The following PCDHA12 variants were observed in gnomAD, a reference collection of about 807,000 sequenced individuals.
PCDHA12 encodes the protein protocadherin alpha 12.
In PCDHA12, 44 loss-of-function variants were observed where a neutral mutation model predicts 60.0. The ratio of observed to expected loss-of-function variants is 0.73; its 90% CI spans 0.58 to 0.94. The LOEUF is 0.94. Ranked by LOEUF, PCDHA12 falls within the 40% of genes least tolerant of loss-of-function variation. The pLI, the probability that PCDHA12 is intolerant of heterozygous loss-of-function variation, is 0.00. For synonymous variants in PCDHA12, 569 were observed against 553.0 expected (o/e 1.03, Z -0.40); for missense variants, 1,276 against 1,239.7 (o/e 1.03, Z -0.44).
rs551606343 is a variant in PCDHA12 at position 140,977,430 on chromosome 5, G to A, written c.2368-1519G>A. Among the ~76,000 whole-genome samples, 14 of 152,252 alleles carry A rather than the reference G, an allele frequency of 9.2e-5. No homozygotes were observed. The South Asian group carries it at 2.5e-3, about 27-fold the overall frequency. The stretch of plus-strand genomic sequence containing the variant: ...ATTTTCTTTTGTTCCCTCTAACACC[G>A]CTAGTAGATAATGGAAACTCCTTTG... On this transcript the variant is annotated intron_variant, in intron 1 of 3. Coordinates refer to ENST00000398631, the MANE Select transcript of PCDHA12 (RefSeq NM_018903.4).
chr5:140,989,758 T>C (rs1554251084), intron 3 of PCDHA12, among the ~76,000 whole-genome samples: 1 of 152,188 alleles, frequency 6.6e-6, no homozygotes, highest in African/African-American at 2.4e-5. Flanking sequence ...GAGAAACATA[T>C]TCAGTTCAAG....
chr5:140,986,776 C>G (rs916981139), intron 3 of PCDHA12, among the ~76,000 whole-genome samples: 5 of 152,098 alleles, frequency 3.3e-5, no homozygotes, highest in Non-Finnish European at 7.3e-5. Context: ...AATTAGGTAG[C>G]GGAAGCCACT....
rs545893416 is a variant in PCDHA12, at chr5:140,934,382, A to G, written c.2368-44567A>G. On this transcript the variant is annotated intron_variant, in intron 1 of 3. Transcript: ENST00000398631. ...CTGCTTTGACTCCTTCTGTGGTTCT[A>G]TGGTGGCCAGCTTTACCCACCAATG... Among the ~76,000 whole-genome samples the G allele has an allele frequency of 2.0e-3, 310 of 152,264 alleles. 8 individuals are homozygous for G. Among genetic ancestry groups the G allele is most frequent in the South Asian group, 3.9e-3 (19 of 4,830 alleles).
At chr5:140,986,372 G>T (rs570215048) in intron 3 of PCDHA12, among the ~76,000 whole-genome samples, 10 of 152,248 alleles carry the variant, frequency 6.6e-5, no homozygotes, top group African/African-American at 1.2e-4. Flanking sequence ...ATGCGTTTTG[G>T]GGGGAGGGAC....
chr5:140,939,280 C>T (rs985518425), intron 1 of PCDHA12, among the ~76,000 whole-genome samples: 1 of 152,064 alleles, frequency 6.6e-6, no homozygotes, highest in Non-Finnish European at 1.5e-5. Flanking sequence ...GCTGTGCCCT[C>T]GTGATCTAAT....
At chr5:140,947,796 T>C (rs2094177808) in intron 1 of PCDHA12, among the ~76,000 whole-genome samples, 2 of 151,630 alleles carry the variant, frequency 1.3e-5, no homozygotes, top group Non-Finnish European at 3.0e-5. Context: ...AACAGACTTT[T>C]AATTTGCAGA....
chr5:140,997,686 G>T (rs1005092816), intron 3 of PCDHA12, among the ~76,000 whole-genome samples: 1 of 151,980 alleles, frequency 6.6e-6, no homozygotes, highest in Non-Finnish European at 1.5e-5. Flanking sequence ...GTGTGTGTGT[G>T]TGTGTGTGTG....
chr5:140,973,803 G>C (rs1232498397), intron 1 of PCDHA12, among the ~76,000 whole-genome samples: 2 of 152,214 alleles, frequency 1.3e-5, no homozygotes, highest in African/African-American at 2.4e-5. Flanking sequence ...CTGTCTACTT[G>C]ACAGAATAGC....
Position 140,919,359 on chromosome 5 carries a change from G to A in PCDHA12, c.2367+41520G>A, listed in dbSNP as rs188480486. Among the ~76,000 whole-genome samples, 421 of 152,262 alleles carry A rather than the reference G, an allele frequency of 2.8e-3. 2 individuals carry two copies. The highest frequency in any genetic ancestry group is 0.014 in the Middle Eastern group (4 of 294). ...TGTTTGTATCTTTGAATCTAAAAGTGTCTCCTGCAGACAACACATAGTTGG... is the reference window on the plus strand; with the variant it reads ...TGTTTGTATCTTTGAATCTAAAAGTATCTCCTGCAGACAACACATAGTTGG... On this transcript the variant is annotated intron_variant, in intron 1 of 3. Coordinates refer to ENST00000398631, the MANE Select transcript of PCDHA12 (RefSeq NM_018903.4).
At chr5:140,906,017 C>G (rs1172988114) in intron 1 of PCDHA12, among the ~76,000 whole-genome samples, 2 of 152,188 alleles carry the variant, frequency 1.3e-5, no homozygotes, top group African/African-American at 2.4e-5. Flanking sequence ...AGTCTAATCT[C>G]TCCACGTTCT....
intron 1 of PCDHA12, chr5:140,884,171 C>T (rs781800470): frequency 6.2e-7 from 1 of 1,613,414 alleles, no homozygotes; most frequent in Admixed American, 1.7e-5. Context: ...CAGCACGACG[C>T]GCCCTCTGGA....
chr5:141,007,494 G>A (rs538537497), intron 3 of PCDHA12, among the ~76,000 whole-genome samples: 20 of 152,150 alleles, frequency 1.3e-4, no homozygotes, highest in African/African-American at 4.8e-4. Flanking sequence ...CTTGGACCTA[G>A]GAGGCAGAGA....
At chr5:140,925,641 T>TATA (rs10569930) in intron 1 of PCDHA12, among the ~76,000 whole-genome samples, 50,126 of 143,032 alleles carry the variant, frequency 0.35, 8,990 homozygotes, top group South Asian at 0.5. Context: ...GAACTTAAAG[T>TATA]ATAATAATAA....
At chr5:140,969,592 A>G (rs547411191) in intron 1 of PCDHA12, 72 of 829,536 alleles carry the variant, frequency 8.7e-5, no homozygotes, top group Middle Eastern at 3.7e-4. Context: ...TAGTCTTAAT[A>G]TTTAATGCTA....
intron 1 of PCDHA12, among the ~76,000 whole-genome samples, chr5:140,941,221 TTC>T (rs1217645089): frequency 7.6e-6 from 1 of 131,640 alleles, no homozygotes; most frequent in African/African-American, 3.0e-5. Flanking sequence ...CTTCCTTTCT[TTC>T]TTTCTTTCTT....
chr5:140,953,837 C>T (rs1585533226), intron 1 of PCDHA12, among the ~76,000 whole-genome samples: 1 of 151,614 alleles, frequency 6.6e-6, no homozygotes, highest in African/African-American at 2.4e-5. Flanking sequence ...GGTTTGTTAC[C>T]CAGGTAAACA....
intron 2 of PCDHA12, among the ~76,000 whole-genome samples, chr5:140,981,687 A>ATCATTCATTCAT (rs200213847): frequency 1.1e-4 from 17 of 151,972 alleles, no homozygotes; most frequent in African/African-American, 4.1e-4. Context: ...CCTCCCTTCC[A>ATCATTCATTCAT]TCATTCATTC....
At chr5:140,883,973 G>C (rs782157297) in intron 1 of PCDHA12, 1 of 1,612,840 alleles carries the variant, frequency 6.2e-7, no homozygotes, top group Non-Finnish European at 8.5e-7. Flanking sequence ...GCTGACGCCC[G>C]GGGCTGGCAG....
intron 1 of PCDHA12, among the ~76,000 whole-genome samples, chr5:140,897,593 G>A (rs1185165472): frequency 6.6e-6 from 1 of 152,014 alleles, no homozygotes; most frequent in Non-Finnish European, 1.5e-5. Context: ...TGTCATTGTT[G>A]GACATTTGGG....
Sources: allele counts gnomAD v4.1 joint callset (sites outside exome capture counted in the v4.1 genomes callset), GRCh38; gene constraint gnomAD v4.1.1; transcripts MANE v1.5; gene names NCBI Gene and HGNC (gene_info 2026-07-23, HGNC 2026-07-21).